Variants in SLC39A11 observed in about 807,000 individuals in gnomAD.
SLC39A11 encodes solute carrier family 39 member 11, also known as zinc transporter ZIP11.
Under a neutral mutation model 36.1 loss-of-function variants are expected in SLC39A11, and 33 were observed. That is an observed-to-expected ratio of 0.91 (90% CI 0.69 to 1.22). The LOEUF is 1.22. Among genes scored for constraint, SLC39A11 ranks in the 50% most tolerant of loss-of-function variants. The pLI is 0.00. For synonymous variants in SLC39A11, 166 were observed against 170.3 expected, an observed-to-expected ratio of 0.97 and a Z score of 0.20; for missense variants, 432 against 430.3, an observed-to-expected ratio of 1.00 and a Z score of -0.03.
chr17:72,771,934 G>A (rs2075962612), intron 6 of SLC39A11, among the ~76,000 whole-genome samples: 1 of 152,116 alleles, frequency 6.6e-6, no homozygotes, highest in Non-Finnish European at 1.5e-5. Context: ...TCTCCAAGAG[G>A]GGAGCCTCTT....
At chr17:72,976,308 C>T (rs1456725342) in intron 4 of SLC39A11, among the ~76,000 whole-genome samples, 1 of 152,044 alleles carries the variant, frequency 6.6e-6, no homozygotes, top group African/African-American at 2.4e-5. Flanking sequence ...TAGGCAGTCC[C>T]CCAAACACAC....
At chr17:73,035,342 T>C (rs2058868675) in intron 3 of SLC39A11, among the ~76,000 whole-genome samples, 2 of 152,068 alleles carry the variant, frequency 1.3e-5, no homozygotes, top group African/African-American at 2.4e-5. Context: ...GGTTTCACCA[T>C]GTTGGCTAGG....
At chr17:72,717,442 C>T (rs910592953) in intron 7 of SLC39A11, among the ~76,000 whole-genome samples, 5 of 152,092 alleles carry the variant, frequency 3.3e-5, no homozygotes. Context: ...GAGGATCCTC[C>T]CTCGGCTCTT....
intron 6 of SLC39A11, among the ~76,000 whole-genome samples, chr17:72,756,989 G>GA (rs34241516): frequency 0.47 from 61,535 of 131,002 alleles, 16,619 homozygotes; most frequent in Non-Finnish European, 0.62. Flanking sequence ...CTCTGCTAGG[G>GA]AAAAAAAAAA....
rs959989995 is a variant in SLC39A11, at chr17:73,048,025, A to C, written c.148-16311T>G. Among the ~76,000 whole-genome samples the C allele has an allele frequency of 1.9e-3, 236 of 123,308 alleles. 3 individuals are homozygous for C. Among genetic ancestry groups the C allele is most frequent in the African/African-American group, 6.6e-3 (217 of 33,022 alleles). 80.9% of individuals were successfully genotyped at this position (123,308 alleles called of 152,430 possible). Reference sequence around the variant, plus strand: ...TATATATATATATATATATATATATATCATGTATAGTTACCCTGTGCCAAC... The same window carrying C: ...TATATATATATATATATATATATATCTCATGTATAGTTACCCTGTGCCAAC... On this transcript the variant is annotated intron_variant, in intron 3 of 9. Transcript: ENST00000255559.
chr17:73,031,867 A>C (rs926620197), intron 3 of SLC39A11, among the ~76,000 whole-genome samples, 153 bp from the exon 4 acceptor site: 1 of 152,182 alleles, frequency 6.6e-6, no homozygotes, highest in Non-Finnish European at 1.5e-5. Flanking sequence ...TCAGAAACCA[A>C]AAAGCCATCC....
intron 5 of SLC39A11, among the ~76,000 whole-genome samples, chr17:72,862,107 AG>A (rs1210111820): frequency 6.6e-6 from 1 of 152,148 alleles, no homozygotes; most frequent in Non-Finnish European, 1.5e-5. Context: ...TTATTGAGTC[AG>A]GGGCCATTGC....
chr17:72,759,519 A>G (rs2075494132), intron 6 of SLC39A11, among the ~76,000 whole-genome samples: 1 of 152,230 alleles, frequency 6.6e-6, no homozygotes, highest in Non-Finnish European at 1.5e-5. Context: ...TTTTAAAAGC[A>G]GTAACATCAT....
chr17:72,779,058 C>A lies in SLC39A11; in HGVS notation c.602-42339G>T, dbSNP rs191053392. Among the ~76,000 whole-genome samples the A allele has an allele frequency of 1.2e-3, 177 of 152,294 alleles. 1 individual carries two copies. The highest frequency in any genetic ancestry group is 2.5e-3 in the Admixed American group (38 of 15,296). ...ACTGAAGAACACCCACTTTTTGGGG[C>A]AAGGAATACGTTGGATGAGGCTCCA... On this transcript the variant is annotated intron_variant, in intron 6 of 9. Transcript: ENST00000255559.
At position 72,740,056 on chromosome 17, in the gene SLC39A11, C is replaced by CTTTTTTTTTTTT. The variant is rs386386565; in HGVS notation, c.602-3349_602-3338dup. 1.6e-3 allele frequency among the ~76,000 whole-genome samples: 127 copies of CTTTTTTTTTTTT among 81,464 alleles called. 10 individuals are homozygous for CTTTTTTTTTTTT. The highest frequency in any genetic ancestry group is 3.8e-3 in the East Asian group (9 of 2,374). 53.4% of individuals were successfully genotyped at this position (81,464 alleles called of 152,430 possible). On this transcript the variant is annotated intron_variant, in intron 6 of 9. Coordinates refer to ENST00000255559, the MANE Select transcript of SLC39A11 (RefSeq NM_139177.4). Reference sequence around the variant, plus strand: ...AGCTAGATAGAATTTCTTTCCTTTTCTTTTTTTTTTTTTTTTTTTTTTTTG... The same window carrying CTTTTTTTTTTTT: ...AGCTAGATAGAATTTCTTTCCTTTTCTTTTTTTTTTTTTTTTTTTTTTTTTTTTTTTTTTTTG...
chr17:73,077,058 C>A (rs1287687787), intron 3 of SLC39A11, among the ~76,000 whole-genome samples: 1 of 152,208 alleles, frequency 6.6e-6, no homozygotes, highest in African/African-American at 2.4e-5. Context: ...TTAAGAGTTA[C>A]TGCCCCAGCC....
At chr17:73,078,174 G>C (rs1216568937) in intron 3 of SLC39A11, among the ~76,000 whole-genome samples, 4 of 150,834 alleles carry the variant, frequency 2.7e-5, no homozygotes, top group Non-Finnish European at 2.9e-5. Flanking sequence ...GGAGGCGGAG[G>C]TTGTAGTGAG....
At chr17:72,871,876 T>C (rs2080650533) in intron 5 of SLC39A11, among the ~76,000 whole-genome samples, 1 of 152,166 alleles carries the variant, frequency 6.6e-6, no homozygotes, top group African/African-American at 2.4e-5. Context: ...TCTGTAATTG[T>C]TGTTTGAAGT....
At chr17:72,885,148 T>A (rs2081382437) in intron 5 of SLC39A11, among the ~76,000 whole-genome samples, 1 of 152,178 alleles carries the variant, frequency 6.6e-6, no homozygotes, top group South Asian at 2.1e-4. Flanking sequence ...GGACTAGGAT[T>A]TGGATTCTAA....
intron 5 of SLC39A11, among the ~76,000 whole-genome samples, chr17:72,888,883 T>C (rs1450028388): frequency 1.3e-5 from 2 of 151,938 alleles, no homozygotes; most frequent in Non-Finnish European, 2.9e-5. Flanking sequence ...ATCTGTGTGG[T>C]ATAGCAAGAC....
At chr17:72,965,277 T>C (rs1040247661) in intron 4 of SLC39A11, among the ~76,000 whole-genome samples, 1 of 150,946 alleles carries the variant, frequency 6.6e-6, no homozygotes, top group Non-Finnish European at 1.5e-5. Context: ...GAATAAAACA[T>C]CTCTAAAGGT....
chr17:73,046,199 A>T (rs909093787), intron 3 of SLC39A11, among the ~76,000 whole-genome samples: 6 of 152,228 alleles, frequency 3.9e-5, no homozygotes, highest in African/African-American at 1.4e-4. Context: ...TTCTTGGCTC[A>T]AACGAGCCAT....
chr17:72,750,684 A>G lies in SLC39A11; in HGVS notation c.602-13965T>C, dbSNP rs140751156. 4.4e-4 allele frequency among the ~76,000 whole-genome samples: 67 copies of G among 152,068 alleles called. 1 individual carries two copies. The South Asian group carries it at 4.8e-3, about 11-fold the overall frequency. ...GATTCTGAAGTCTCAGATCACTAGT[A>G]TGTTTTGCTACATGGAGGGCAGGCA... On this transcript the variant is annotated intron_variant, in intron 6 of 9. Coordinates refer to ENST00000255559, the MANE Select transcript of SLC39A11 (RefSeq NM_139177.4).
chr17:72,972,436 G>A (rs373723358), intron 4 of SLC39A11, among the ~76,000 whole-genome samples: 23 of 152,178 alleles, frequency 1.5e-4, no homozygotes, highest in African/African-American at 3.4e-4. Context: ...ATTTGTGTGC[G>A]TTGCCATCTA....
Sources: gnomAD v4.1 joint callset for allele counts (sites outside exome capture counted in the v4.1 genomes callset) on GRCh38, gnomAD v4.1.1 for gene constraint, MANE v1.5 for transcripts, NCBI Gene and HGNC (gene_info 2026-07-23, HGNC 2026-07-21) for gene names.